G3BP2: variants seen among roughly 807,000 people sequenced by gnomAD.
The protein encoded by G3BP2 is G3BP stress granule assembly factor 2, also known as ras GTPase-activating protein-binding protein 2.
G3BP2 carries 11 observed loss-of-function variants against 56.7 expected under a neutral mutation model. The ratio of observed to expected loss-of-function variants is 0.19; its 90% CI spans 0.12 to 0.32. The LOEUF (loss-of-function observed/expected upper bound fraction) is 0.32, where lower values mean the gene tolerates loss of function less well. G3BP2 is among the 10% of genes least tolerant of loss of function. G3BP2 has a pLI of 1.00. For synonymous variants in G3BP2, 165 were observed against 191.6 expected (o/e 0.86, Z 1.15); for missense variants, 340 against 610.9 (o/e 0.56, Z 4.67).
Position 75,645,425 on chromosome 4 carries a change from G to T in G3BP2, c.*5C>A, listed in dbSNP as rs550436011. 6 of 1,609,834 alleles carry T rather than the reference G, an allele frequency of 3.7e-6. No individual in the cohort carries two copies. The highest frequency in any genetic ancestry group is 5.1e-6 in the Non-Finnish European group (6 of 1,177,394). ...CACTGCCAAGACTTTGCCAACAGTG[G>T]AGCTTCAGCGACGCTGTCCTGTGAA... is the stretch of plus-strand genomic sequence containing the variant. On this transcript the variant is annotated 3_prime_UTR_variant, in exon 12 of 12. Coordinates refer to ENST00000359707, the MANE Select transcript of G3BP2 (RefSeq NM_203505.3).
chr4:75,672,914 C>CACCTCATCCCCAATAA, intron 1 of G3BP2: 1 of 773,524 alleles, frequency 1.3e-6, no homozygotes, highest in Non-Finnish European at 1.6e-6. Context: ...CCCACTTCGC[C>CACCTCATCCCCAATAA]ACCTCATCCC....
At chr4:75,675,468 C>T (rs923887157), upstream of G3BP2, among the ~76,000 whole-genome samples, 1 of 152,178 alleles carries the variant, frequency 6.6e-6, no homozygotes, top group Non-Finnish European at 1.5e-5. Context: ...GCTGATGGTG[C>T]TACTGCTGCT....
chr4:75,679,928 C>T (rs1258904586), intron 3 of G3BP2, among the ~76,000 whole-genome samples: 4 of 152,084 alleles, frequency 2.6e-5, no homozygotes, highest in South Asian at 4.2e-4. Context: ...AGGCATTTGC[C>T]CTGAATCCAG....
intron 3 of G3BP2, among the ~76,000 whole-genome samples, chr4:75,685,525 A>C (rs1207490917): frequency 6.6e-6 from 1 of 151,890 alleles, no homozygotes; most frequent in Non-Finnish European, 1.5e-5. Context: ...AAAACCAAAA[A>C]CACAGATCCT....
At chr4:75,695,056 G>C (rs759467999) in intron 3 of G3BP2, 4 of 356,416 alleles carry the variant, frequency 1.1e-5, no homozygotes, top group Non-Finnish European at 1.6e-5. Flanking sequence ...CTGTAGATAG[G>C]AACTCAGCAC....
intron 3 of G3BP2, chr4:75,695,024 C>T (rs1215175800): frequency 2.7e-6 from 2 of 734,194 alleles, no homozygotes; most frequent in Non-Finnish European, 3.3e-6. Flanking sequence ...GCTCAAGAGC[C>T]AGTATCCAGA....
At chr4:75,645,813 C>T (rs987875666) in intron 11 of G3BP2, 111 bp from the exon 12 acceptor site, 4 of 876,842 alleles carry the variant, frequency 4.6e-6, no homozygotes, top group Admixed American at 4.9e-5. Context: ...CTTTTATCAG[C>T]CCCCCACCCC....
At chr4:75,711,451 G>A (rs371545036) in intron 3 of G3BP2, among the ~76,000 whole-genome samples, 3 of 151,890 alleles carry the variant, frequency 2.0e-5, no homozygotes, top group South Asian at 4.1e-4. Context: ...GGTGGCTCAC[G>A]CCTATAATCC....
chr4:75,675,775 A>G (rs917928770), upstream of G3BP2, among the ~76,000 whole-genome samples: 4 of 152,130 alleles, frequency 2.6e-5, no homozygotes, highest in Non-Finnish European at 5.9e-5. Flanking sequence ...CTGGGTGACA[A>G]CAGTGAAAAC....
At chr4:75,704,428 G>C (rs1228752998) in intron 3 of G3BP2, among the ~76,000 whole-genome samples, 1 of 146,788 alleles carries the variant, frequency 6.8e-6, no homozygotes, top group Non-Finnish European at 1.5e-5. Flanking sequence ...AGTGATCCTC[G>C]GGCCTCAGCC....
chr4:75,669,188 G>C (rs1321026892), intron 1 of G3BP2, among the ~76,000 whole-genome samples: 2 of 152,122 alleles, frequency 1.3e-5, no homozygotes, highest in East Asian at 3.8e-4. Flanking sequence ...ACCTAAACGT[G>C]TATCTAGTCT....
chr4:75,660,459 T>G (rs986018176), intron 2 of G3BP2, among the ~76,000 whole-genome samples: 1 of 152,156 alleles, frequency 6.6e-6, no homozygotes, highest in African/African-American at 2.4e-5. Flanking sequence ...GGTTAGCTTG[T>G]TTACTTACTG....
At chr4:75,706,806 A>G (rs1297898029) in intron 3 of G3BP2, among the ~76,000 whole-genome samples, 2 of 152,208 alleles carry the variant, frequency 1.3e-5, no homozygotes, top group African/African-American at 4.8e-5. Context: ...GTTGACCACC[A>G]CTAAAGGTCT....
At chr4:75,657,163 TA>T in intron 4 of G3BP2, 149 bp from the exon 5 acceptor site, 2 of 526,892 alleles carry the variant, frequency 3.8e-6, no homozygotes, top group Non-Finnish European at 6.6e-6. Context: ...ATGATGTTTA[TA>T]TAAAATAAAA....
intron 3 of G3BP2, among the ~76,000 whole-genome samples, chr4:75,682,664 T>A (rs553333907): frequency 6.6e-6 from 1 of 152,218 alleles, no homozygotes; most frequent in African/African-American, 2.4e-5. Flanking sequence ...AAACTTCTCA[T>A]TGGGAAAAGA....
chr4:75,667,575 C>T (rs1330435798), intron 1 of G3BP2, among the ~76,000 whole-genome samples: 1 of 152,092 alleles, frequency 6.6e-6, no homozygotes, highest in Non-Finnish European at 1.5e-5. Flanking sequence ...ATGAACAAAT[C>T]CGTCTTTTAC....
At chr4:75,694,911 G>C in intron 3 of G3BP2, 17 of 985,580 alleles carry the variant, frequency 1.7e-5, no homozygotes, top group Non-Finnish European at 2.0e-5. Context: ...GACAGGAAGC[G>C]ATAAGGACAT....
At chr4:75,675,719 G>A (rs957013077), upstream of G3BP2, among the ~76,000 whole-genome samples, 7 of 152,198 alleles carry the variant, frequency 4.6e-5, no homozygotes, top group African/African-American at 1.7e-4. Flanking sequence ...TTGAACCTGG[G>A]AGGCGGAGGT....
At chr4:75,718,232 TTC>T (rs1264676953) in intron 3 of G3BP2, among the ~76,000 whole-genome samples, 1 of 45,464 alleles carries the variant, frequency 2.2e-5, no homozygotes, top group Non-Finnish European at 3.8e-5. Context: ...TCTTCTTTCT[TTC>T]TTTCTTTTTT....
Sources: gnomAD v4.1 joint callset for allele counts (sites outside exome capture counted in the v4.1 genomes callset) on GRCh38, gnomAD v4.1.1 for gene constraint, MANE v1.5 for transcripts, NCBI Gene and HGNC (gene_info 2026-07-23, HGNC 2026-07-21) for gene names.